The following ASAP1 variants were observed in gnomAD, a reference collection of about 807,000 sequenced individuals.
ASAP1 encodes arf-GAP with SH3 domain, ANK repeat and PH domain-containing protein 1.
In ASAP1, 43 loss-of-function variants were observed where a neutral mutation model predicts 145.2. The observed-to-expected ratio is 0.30, with a 90% CI of 0.23 to 0.38. ASAP1 has a LOEUF of 0.38. Among genes scored for constraint, ASAP1 ranks in the 10% least tolerant of loss-of-function variants. ASAP1 has a pLI of 1.00. For missense variants in ASAP1, 1,018 were observed against 1,355.3 expected (o/e 0.75, Z 3.91); for synonymous variants, 546 against 515.5 (o/e 1.06, Z -0.80).
chr8:130,117,536 A>C (rs2097558321), intron 20 of ASAP1, among the ~76,000 whole-genome samples: 1 of 152,124 alleles, frequency 6.6e-6, no homozygotes, highest in South Asian at 2.1e-4. Flanking sequence ...TCTTTAGATG[A>C]GCTCTAGTTC....
chr8:130,304,328 C>T (rs1822858648), intron 3 of ASAP1, among the ~76,000 whole-genome samples: 2 of 151,910 alleles, frequency 1.3e-5, no homozygotes, highest in Admixed American at 6.6e-5. Flanking sequence ...GATATGAACA[C>T]CTAATATCCA....
chr8:130,216,040 AAAGGAAAAGAAAG>A (rs1816907603), intron 4 of ASAP1, among the ~76,000 whole-genome samples: 4 of 137,624 alleles, frequency 2.9e-5, no homozygotes, highest in Non-Finnish European at 6.2e-5. Context: ...AGGAAAAAGG[AAAGGAAAAGAAAG>A]AAAAGGAAAA....
At chr8:130,084,928 A>T (rs554426216) in intron 25 of ASAP1, among the ~76,000 whole-genome samples, 1 of 152,312 alleles carries the variant, frequency 6.6e-6, no homozygotes, top group East Asian at 1.9e-4. Flanking sequence ...ATAGTTTTTC[A>T]TCCATTATTT....
intron 3 of ASAP1, among the ~76,000 whole-genome samples, chr8:130,353,516 C>T (rs1187422193): frequency 6.6e-6 from 1 of 152,204 alleles, no homozygotes; most frequent in African/African-American, 2.4e-5. Flanking sequence ...TATAAAGCCA[C>T]TGAAATATGT....
chr8:130,153,335 A>ATATATATATATATATATATATATG (rs201107687), intron 12 of ASAP1, among the ~76,000 whole-genome samples: 7 of 65,300 alleles, frequency 1.1e-4, no homozygotes, highest in African/African-American at 3.4e-4. Context: ...CTTTTTAAAT[A>ATATATATATATATATATATATATG]TATATATATA....
chr8:130,328,376 C>T (rs1338923792), intron 3 of ASAP1, among the ~76,000 whole-genome samples: 6 of 152,152 alleles, frequency 3.9e-5, no homozygotes, highest in African/African-American at 1.2e-4. Context: ...AACCTTTATA[C>T]TACTTTTGTT....
At chr8:130,255,477 G>A (rs958075029) in intron 3 of ASAP1, among the ~76,000 whole-genome samples, 2 of 151,770 alleles carry the variant, frequency 1.3e-5, no homozygotes, top group African/African-American at 4.8e-5. Context: ...TCCTGCATGT[G>A]CATGGCTACT....
chr8:130,076,961 C>T (rs183494168), intron 26 of ASAP1, among the ~76,000 whole-genome samples: 3 of 152,322 alleles, frequency 2.0e-5, no homozygotes, highest in Admixed American at 6.5e-5. Flanking sequence ...ATGAAGGCAC[C>T]TGGCACACTC....
intron 13 of ASAP1, 105 bp downstream of exon 13, chr8:130,152,631 C>A: frequency 1.2e-4 from 67 of 575,230 alleles, no homozygotes; most frequent in East Asian, 1.6e-4. Context: ...CTAAAATGAT[C>A]TGACCCAAAT....
At chr8:130,181,139 G>C (rs1259422586) in intron 7 of ASAP1, among the ~76,000 whole-genome samples, 3 of 152,148 alleles carry the variant, frequency 2.0e-5, no homozygotes, top group East Asian at 3.9e-4. Flanking sequence ...CCACACTCAT[G>C]TCTTCCCGTT....
chr8:130,150,885 A>C (rs1408790623), intron 13 of ASAP1, among the ~76,000 whole-genome samples: 1 of 152,176 alleles, frequency 6.6e-6, no homozygotes, highest in African/African-American at 2.4e-5. Flanking sequence ...GTCTCAAACA[A>C]AACAAAACAA....
intron 3 of ASAP1, among the ~76,000 whole-genome samples, chr8:130,277,095 G>A (rs1253341215): frequency 1.3e-5 from 2 of 152,068 alleles, no homozygotes; most frequent in African/African-American, 2.4e-5. Flanking sequence ...TGCAGGCACC[G>A]AGGGCCCCCC....
intron 3 of ASAP1, among the ~76,000 whole-genome samples, chr8:130,300,190 A>AGAGAGAGAGAGC (rs1206469856): frequency 4.7e-5 from 7 of 148,268 alleles, no homozygotes; most frequent in Non-Finnish European, 1.0e-4. Context: ...AGAGAGAGCG[A>AGAGAGAGAGAGC]GCGAGCGAGC....
intron 1 of ASAP1, among the ~76,000 whole-genome samples, chr8:130,423,748 C>G (rs1454382247): frequency 6.6e-6 from 1 of 152,218 alleles, no homozygotes; most frequent in Admixed American, 6.5e-5. Flanking sequence ...GGTTATCTCT[C>G]ATTGGCTGGA....
chr8:130,259,881 A>T (rs1819788261), intron 3 of ASAP1, among the ~76,000 whole-genome samples: 1 of 152,234 alleles, frequency 6.6e-6, no homozygotes, highest in Non-Finnish European at 1.5e-5. Flanking sequence ...GGATAAATAA[A>T]TACTAAGGCT....
intron 3 of ASAP1, among the ~76,000 whole-genome samples, chr8:130,245,353 T>C (rs955324977): frequency 6.6e-6 from 1 of 152,158 alleles, no homozygotes; most frequent in African/African-American, 2.4e-5. Flanking sequence ...TAACGTCTTC[T>C]ACGGTGCCTA....
chr8:130,207,949 A>G (rs566346126), intron 5 of ASAP1, among the ~76,000 whole-genome samples: 3 of 152,332 alleles, frequency 2.0e-5, no homozygotes, highest in South Asian at 4.1e-4. Flanking sequence ...TGGCTCAAAG[A>G]GTATCAGGAA....
At chr8:130,426,979 A>G (rs1829943433) in intron 1 of ASAP1, among the ~76,000 whole-genome samples, 1 of 152,220 alleles carries the variant, frequency 6.6e-6, no homozygotes, top group Admixed American at 6.5e-5. Context: ...TACCACCGGC[A>G]TGCAATGTAA....
At chr8:130,179,169 G>A (rs1443763305) in intron 9 of ASAP1, 95 bp downstream of exon 9, 3 of 704,126 alleles carry the variant, frequency 4.3e-6, no homozygotes, top group South Asian at 2.1e-5. Context: ...ATTTAGTCAC[G>A]AGATGAAGAA....
Sources: gnomAD v4.1 joint callset for allele counts (sites outside exome capture counted in the v4.1 genomes callset) on GRCh38, gnomAD v4.1.1 for gene constraint, MANE v1.5 for transcripts, NCBI Gene and HGNC (gene_info 2026-07-23, HGNC 2026-07-21) for gene names.